Variants in ZNF704 observed in about 807,000 individuals in gnomAD.
The protein encoded by ZNF704 is glucocorticoid induced gene 1.
In ZNF704, 10 loss-of-function variants were observed where a neutral mutation model predicts 44.7. The ratio of observed to expected loss-of-function variants is 0.22; its 90% CI spans 0.14 to 0.38. The LOEUF (loss-of-function observed/expected upper bound fraction) is 0.38. Ranked by LOEUF, ZNF704 falls within the 10% of genes least tolerant of loss-of-function variation. ZNF704 has a pLI of 1.00. For missense variants in ZNF704, 390 were observed against 545.5 expected, an observed-to-expected ratio of 0.71 and a Z score of 2.84; for synonymous variants, 211 against 207.6, an observed-to-expected ratio of 1.02 and a Z score of -0.14.
chr8:80,815,946 T>G (rs992516795), intron 2 of ZNF704, among the ~76,000 whole-genome samples: 2 of 152,248 alleles, frequency 1.3e-5, no homozygotes, highest in Non-Finnish European at 2.9e-5. Flanking sequence ...TTCACCCTCC[T>G]GTCCATTTTC....
At chr8:80,782,049 G>A (rs1368230868) in intron 2 of ZNF704, among the ~76,000 whole-genome samples, 1 of 152,164 alleles carries the variant, frequency 6.6e-6, no homozygotes, top group Non-Finnish European at 1.5e-5. Flanking sequence ...AAAAATATTA[G>A]GAAATTACTG....
intron 5 of ZNF704, among the ~76,000 whole-genome samples, chr8:80,668,129 A>G (rs989425198): frequency 3.9e-5 from 6 of 152,218 alleles, no homozygotes; most frequent in African/African-American, 1.2e-4. Context: ...CTATAATGTC[A>G]GAAAATGTTT....
At chr8:80,723,713 T>G (rs1806417834) in intron 2 of ZNF704, among the ~76,000 whole-genome samples, 1 of 152,198 alleles carries the variant, frequency 6.6e-6, no homozygotes, top group South Asian at 2.1e-4. Context: ...AATGTAAAAA[T>G]CTAAGATGTC....
intron 2 of ZNF704, among the ~76,000 whole-genome samples, chr8:80,771,083 A>G (rs1254652442): frequency 1.3e-5 from 2 of 152,158 alleles, no homozygotes; most frequent in Non-Finnish European, 2.9e-5. Flanking sequence ...CTATGTGTCT[A>G]TCTCTCCACA....
intron 1 of ZNF704, among the ~76,000 whole-genome samples, chr8:80,831,906 C>T (rs73692257): frequency 1.7e-3 from 260 of 152,236 alleles, no homozygotes; most frequent in African/African-American, 5.4e-3. Context: ...ACTTGCTTTC[C>T]GAACACTATA....
At chr8:80,695,444 C>G (rs182980371) in intron 2 of ZNF704, among the ~76,000 whole-genome samples, 1 of 152,214 alleles carries the variant, frequency 6.6e-6, no homozygotes, top group South Asian at 2.1e-4. Context: ...ATAGGAGGCC[C>G]GTGCACCTGG....
chr8:80,693,859 G>A (rs1022933501), intron 2 of ZNF704, among the ~76,000 whole-genome samples: 26 of 152,312 alleles, frequency 1.7e-4, no homozygotes, highest in African/African-American at 5.5e-4. Context: ...GCCTAGTGAA[G>A]TAATATGATG....
chr8:80,821,636 A>G (rs756426387), intron 1 of ZNF704, 21 bp from the exon 2 acceptor site: 1 of 1,586,220 alleles, frequency 6.3e-7, no homozygotes, highest in Admixed American at 1.7e-5. Context: ...AAACACAGAA[A>G]TTCTTACTCA....
At chr8:80,701,633 A>G (rs1818811985) in intron 2 of ZNF704, among the ~76,000 whole-genome samples, 1 of 152,190 alleles carries the variant, frequency 6.6e-6, no homozygotes, top group South Asian at 2.1e-4. Context: ...GACTGGACAG[A>G]GAGATAGGAA....
intron 1 of ZNF704, among the ~76,000 whole-genome samples, chr8:80,843,949 A>G (rs1808723160): frequency 1.4e-5 from 2 of 142,524 alleles, no homozygotes; most frequent in Non-Finnish European, 3.1e-5. Flanking sequence ...ATGTGTATGT[A>G]TATATATGTG....
intron 4 of ZNF704, among the ~76,000 whole-genome samples, chr8:80,685,804 G>T (rs1818525152): frequency 6.6e-6 from 1 of 152,246 alleles, no homozygotes; most frequent in South Asian, 2.1e-4. Flanking sequence ...GTGGAATGAT[G>T]CTGAGAGATG....
intron 2 of ZNF704, among the ~76,000 whole-genome samples, chr8:80,702,424 G>C (rs1818824377): frequency 6.6e-6 from 1 of 152,234 alleles, no homozygotes; most frequent in East Asian, 1.9e-4. Context: ...ATCCTGTTGT[G>C]ATGGTCACTG....
Position 80,629,414 on chromosome 8 carries a change from T to C in ZNF704, c.*11952A>G, listed in dbSNP as rs964838037. ...CCAGGTTTAGAAATGCGTGTTTTTT[T>C]CCCCCCGTATTTTACAAACAGTTGA... On this transcript the variant is annotated 3_prime_UTR_variant, in exon 9 of 9. Transcript: ENST00000327835. The C allele has an allele frequency of 3.3e-5, 5 of 152,072 alleles. No individual in the cohort carries two copies. The highest frequency in any genetic ancestry group is 2.1e-4 in the South Asian group (1 of 4,834). 9.4% of individuals were successfully genotyped at this position (152,072 alleles called of 1,614,324 possible). A position where few individuals can be genotyped will look rare whatever the true frequency, so the allele number is the denominator to read the frequency against.
chr8:80,645,811 TAG>T (rs886694290), intron 7 of ZNF704, among the ~76,000 whole-genome samples: 11 of 152,212 alleles, frequency 7.2e-5, no homozygotes, highest in Admixed American at 1.3e-4. Flanking sequence ...TATGGCCTAA[TAG>T]AGATCATCAG....
the ZNF704 span, among the ~76,000 whole-genome samples, chr8:80,881,020 A>G: frequency 6.6e-6 from 1 of 152,228 alleles, no homozygotes; most frequent in East Asian, 1.9e-4. Context: ...CTGCTGCAGT[A>G]TCTGTCATGC....
Position 80,632,972 on chromosome 8 carries a change from C to T in ZNF704, c.*8394G>A, listed in dbSNP as rs1438804160. 6.8e-6 allele frequency: 1 copy of T among 146,040 alleles called. No individual in the cohort carries two copies. Among genetic ancestry groups the T allele is most frequent in the Non-Finnish European group, 1.5e-5 (1 of 67,964 alleles). The allele number at this position is 146,040 out of a possible 1,614,324, so 9.0% of individuals were successfully genotyped here. On this transcript the variant is annotated 3_prime_UTR_variant, in exon 9 of 9. Transcript: ENST00000327835. ...TTTTTTGAGGCTCCTTCTAGCTCCA[C>T]AACCCAACTGCCTGTGAATGACTTT...
intron 1 of ZNF704, among the ~76,000 whole-genome samples, chr8:80,835,043 C>T (rs925671267): frequency 2.0e-5 from 3 of 152,084 alleles, no homozygotes; most frequent in Non-Finnish European, 2.9e-5. Flanking sequence ...CAAGACTTGG[C>T]GTGCTGCATG....
chr8:80,642,515 C>T (rs1237628736), intron 8 of ZNF704, among the ~76,000 whole-genome samples: 3 of 152,146 alleles, frequency 2.0e-5, no homozygotes, highest in Non-Finnish European at 2.9e-5. Flanking sequence ...CTGGATGGCA[C>T]GAAATTTCAT....
upstream of ZNF704, among the ~76,000 whole-genome samples, chr8:80,878,060 G>A (rs1391342278): frequency 6.6e-6 from 1 of 152,066 alleles, no homozygotes; most frequent in African/African-American, 2.4e-5. Context: ...GCGTGCTTTG[G>A]TCAAAGTTTG....
Sources: allele counts gnomAD v4.1 joint callset (sites outside exome capture counted in the v4.1 genomes callset), GRCh38; gene constraint gnomAD v4.1.1; transcripts MANE v1.5; gene names NCBI Gene and HGNC (gene_info 2026-07-23, HGNC 2026-07-21).